Variants in ZNF782 observed in about 807,000 individuals in gnomAD.
ZNF782 encodes the protein zinc finger protein 782.
A neutral mutation model predicts 13.0 loss-of-function variants in ZNF782; 12 were observed. That is an observed-to-expected ratio of 0.92 (90% CI 0.59 to 1.50). The LOEUF is 1.50. ZNF782 is among the 40% of genes most tolerant of loss of function. The pLI is 0.00. For missense variants in ZNF782, 770 were observed against 822.9 expected (o/e 0.94, Z 0.79); for synonymous variants, 284 against 283.0 (o/e 1.00, Z -0.04).
the ZNF782 span, among the ~76,000 whole-genome samples, chr9:96,930,890 T>G: frequency 1.3e-5 from 1 of 79,184 alleles, no homozygotes; most frequent in Non-Finnish European, 2.3e-5. Flanking sequence ...TTTTTTTTTT[T>G]TTTTTTTTTT....
intron 4 of ZNF782, among the ~76,000 whole-genome samples, chr9:96,837,937 G>T (rs1851052259): frequency 6.6e-6 from 1 of 152,168 alleles, no homozygotes; most frequent in South Asian, 2.1e-4. Context: ...TGTTGCCCAG[G>T]TTGGTCTTGA....
chr9:96,869,317 C>A (rs1279476955), intron 1 of ZNF782, among the ~76,000 whole-genome samples: 2 of 152,140 alleles, frequency 1.3e-5, no homozygotes, highest in Non-Finnish European at 2.9e-5. Context: ...AATGGTTTTC[C>A]TTTTGAACTG....
the ZNF782 span, among the ~76,000 whole-genome samples, chr9:96,885,104 T>C: frequency 6.6e-6 from 1 of 151,232 alleles, no homozygotes. Flanking sequence ...ATATCTGGGA[T>C]ACAATTAAAA....
At position 96,839,983 on chromosome 9, in the gene ZNF782, G is replaced by A. The variant is rs182311973; in HGVS notation, c.142+4907C>T. On this transcript the variant is annotated intron_variant, in intron 4 of 5. Coordinates refer to ENST00000481138, the MANE Select transcript of ZNF782 (RefSeq NM_001001662.3). ...ACAATGCTGCAATGAATAACCTTGT[G>A]TATATATCATTTTGTGTTTATGCAG... 2.2e-4 allele frequency among the ~76,000 whole-genome samples: 33 copies of A among 152,268 alleles called. No homozygotes were observed. In the East Asian group the frequency reaches 6.2e-3, roughly 28 times the overall value.
At chr9:96,929,709 T>C in the ZNF782 span, among the ~76,000 whole-genome samples, 1 of 151,524 alleles carries the variant, frequency 6.6e-6, no homozygotes, top group Non-Finnish European at 1.5e-5. Context: ...AGGGCCTGGG[T>C]TTCCTGAGTT....
chr9:96,916,421 C>T, the ZNF782 span, among the ~76,000 whole-genome samples: 5 of 151,752 alleles, frequency 3.3e-5, no homozygotes, highest in South Asian at 2.1e-4. Context: ...ACCTGGAAGG[C>T]GGATTTGCAG....
the ZNF782 span, among the ~76,000 whole-genome samples, chr9:96,907,285 C>T: frequency 4.6e-5 from 7 of 152,150 alleles, no homozygotes; most frequent in Non-Finnish European, 1.0e-4. Context: ...ATATGAGGTA[C>T]CTAACATAGT....
intron 5 of ZNF782, among the ~76,000 whole-genome samples, chr9:96,823,947 A>G (rs1042122313): frequency 1.4e-4 from 22 of 152,296 alleles, no homozygotes; most frequent in South Asian, 6.2e-4. Context: ...AGGACCAGAC[A>G]GATTCACAGC....
At chr9:96,917,438 CT>C in the ZNF782 span, among the ~76,000 whole-genome samples, 14 of 149,122 alleles carry the variant, frequency 9.4e-5, no homozygotes, top group Admixed American at 1.3e-4. Context: ...TTTAGTAAAA[CT>C]TTTTTTTTTT....
the ZNF782 span, among the ~76,000 whole-genome samples, chr9:96,925,666 T>G: frequency 6.8e-6 from 1 of 146,224 alleles, no homozygotes; most frequent in Non-Finnish European, 1.5e-5. Flanking sequence ...CAGAAGCAAC[T>G]CACTGACTTG....
At chr9:96,881,858 T>C in the ZNF782 span, among the ~76,000 whole-genome samples, 1 of 152,058 alleles carries the variant, frequency 6.6e-6, no homozygotes, top group Non-Finnish European at 1.5e-5. Flanking sequence ...GTAAATCCTC[T>C]AGCTTTGTTT....
chr9:96,855,205 A>G (rs563593149), upstream of ZNF782, among the ~76,000 whole-genome samples: 13 of 152,324 alleles, frequency 8.5e-5, no homozygotes, highest in Non-Finnish European at 5.9e-5. Flanking sequence ...TTTAATGTTA[A>G]TTATCTTAGG....
upstream of ZNF782, among the ~76,000 whole-genome samples, chr9:96,878,403 A>G (rs954493880): frequency 5.9e-5 from 9 of 152,230 alleles, no homozygotes; most frequent in African/African-American, 1.9e-4. Context: ...TAAAAAATTT[A>G]GACACTGCAA....
At chr9:96,912,198 GAAA>G in the ZNF782 span, among the ~76,000 whole-genome samples, 2 of 56,758 alleles carry the variant, frequency 3.5e-5, no homozygotes, top group African/African-American at 6.4e-5. Context: ...ACTCCGTCTC[GAAA>G]AAAAAAAAAA....
upstream of ZNF782, among the ~76,000 whole-genome samples, chr9:96,854,867 A>G (rs1488388229): frequency 2.0e-5 from 3 of 152,040 alleles, no homozygotes; most frequent in Non-Finnish European, 4.4e-5. Flanking sequence ...AAAAAGTACC[A>G]TTACTTTTGT....
intron 4 of ZNF782, among the ~76,000 whole-genome samples, chr9:96,828,559 C>T (rs1259494418): frequency 6.6e-6 from 1 of 152,186 alleles, no homozygotes; most frequent in Non-Finnish European, 1.5e-5. Flanking sequence ...TATGGCCAGG[C>T]ACAGTGACAC....
intron 5 of ZNF782, among the ~76,000 whole-genome samples, chr9:96,824,884 C>T (rs1850561576): frequency 6.7e-6 from 1 of 149,492 alleles, no homozygotes; most frequent in Non-Finnish European, 1.5e-5. Flanking sequence ...AACTACAAAC[C>T]ACTGCTCAAG....
intron 3 of ZNF782, among the ~76,000 whole-genome samples, chr9:96,847,866 C>CA (rs1455212611): frequency 1.3e-5 from 2 of 151,942 alleles, no homozygotes; most frequent in African/African-American, 2.4e-5. Context: ...AAGGACACAA[C>CA]AAAAAAGGAA....
the ZNF782 span, among the ~76,000 whole-genome samples, chr9:96,904,890 A>AT: frequency 8.5e-6 from 1 of 118,336 alleles, no homozygotes; most frequent in Non-Finnish European, 1.5e-5. Context: ...GTCAAGGTTC[A>AT]TTTTTTTGCA....
Sources: allele counts gnomAD v4.1 joint callset (sites outside exome capture counted in the v4.1 genomes callset), GRCh38; gene constraint gnomAD v4.1.1; transcripts MANE v1.5; gene names NCBI Gene and HGNC (gene_info 2026-07-23, HGNC 2026-07-21).